OCA2: variants seen among roughly 807,000 people sequenced by gnomAD.
The protein encoded by OCA2 is P protein.
Under a neutral mutation model 100.2 loss-of-function variants are expected in OCA2, and 77 were observed. The ratio of observed to expected loss-of-function variants is 0.77; its 90% CI spans 0.64 to 0.93. The LOEUF (loss-of-function observed/expected upper bound fraction) is 0.93. Among genes scored for constraint, OCA2 ranks in the 40% least tolerant of loss-of-function variants. The pLI is 0.00. For synonymous variants in OCA2, 432 were observed against 439.2 expected (o/e 0.98, Z 0.21); for missense variants, 1,062 against 1,089.1 (o/e 0.98, Z 0.35).
chr15:27,847,433 G>C (rs2035579349), intron 22 of OCA2, among the ~76,000 whole-genome samples: 1 of 152,132 alleles, frequency 6.6e-6, no homozygotes, highest in Non-Finnish European at 1.5e-5. Context: ...GATGACGAAG[G>C]CAAAGGCTAT....
intron 19 of OCA2, 130 bp from the exon 20 acceptor site, chr15:27,872,052 C>G (rs961739999): frequency 1.4e-6 from 1 of 717,826 alleles, no homozygotes; most frequent in African/African-American, 1.8e-5. Flanking sequence ...TATAAAAGAT[C>G]AGACTCAAAT....
chr15:28,067,507 A>G (rs1185669872), intron 2 of OCA2, among the ~76,000 whole-genome samples: 4 of 152,166 alleles, frequency 2.6e-5, no homozygotes, highest in Non-Finnish European at 4.4e-5. Flanking sequence ...CTAATGCTGT[A>G]TCTCAGAGAT....
chr15:27,915,115 C>A (rs1346559438), intron 19 of OCA2, among the ~76,000 whole-genome samples: 1 of 152,050 alleles, frequency 6.6e-6, no homozygotes, highest in Non-Finnish European at 1.5e-5. Flanking sequence ...GGGGAAAGGA[C>A]TCCCCGTTCA....
chr15:28,097,977 C>T (rs1282929477), intron 1 of OCA2, among the ~76,000 whole-genome samples: 1 of 152,162 alleles, frequency 6.6e-6, no homozygotes. Context: ...AAACGGGGAC[C>T]CAGGTGACAC....
At chr15:27,838,147 C>T (rs746118604) in intron 23 of OCA2, among the ~76,000 whole-genome samples, 7 of 152,176 alleles carry the variant, frequency 4.6e-5, no homozygotes, top group Admixed American at 3.3e-4. Flanking sequence ...ACATACAACA[C>T]TCTATACTGA....
chr15:27,879,436 C>G (rs2036924305), intron 19 of OCA2, among the ~76,000 whole-genome samples: 1 of 152,162 alleles, frequency 6.6e-6, no homozygotes, highest in South Asian at 2.1e-4. Context: ...ACCACACTGT[C>G]TTCCACAATC....
chr15:27,945,688 C>G (rs2039808579), intron 18 of OCA2, among the ~76,000 whole-genome samples: 1 of 152,144 alleles, frequency 6.6e-6, no homozygotes, highest in African/African-American at 2.4e-5. Flanking sequence ...CAGAGGGACA[C>G]CAAGGGACAG....
intron 23 of OCA2, among the ~76,000 whole-genome samples, chr15:27,831,025 C>T (rs1304306283): frequency 2.0e-5 from 3 of 152,252 alleles, no homozygotes; most frequent in South Asian, 4.1e-4. Flanking sequence ...TCTGAGCTCA[C>T]GCCTGTAATT....
intron 18 of OCA2, among the ~76,000 whole-genome samples, chr15:27,947,599 C>T (rs546881490): frequency 1.2e-4 from 18 of 152,328 alleles, no homozygotes; most frequent in African/African-American, 2.2e-4. Context: ...GGCCGCCCTG[C>T]GGGTGCGGTC....
At chr15:28,050,812 G>A (rs1231302352) in intron 2 of OCA2, among the ~76,000 whole-genome samples, 1 of 152,116 alleles carries the variant, frequency 6.6e-6, no homozygotes, top group East Asian at 1.9e-4. Context: ...GGCATGGAGT[G>A]GCTCTTGGTC....
chr15:28,028,023 G>A lies in OCA2; in HGVS notation c.363C>T (p.Ile121=). Residue 121 remains isoleucine, a synonymous_variant, in exon 4 of 24, where the codon ATC becomes ATT. Transcript: ENST00000354638. ...RCIPVYHPEF[I]TAEESWEDSS... is the part of the protein sequence containing the mutation. ...TGTCTTCCCAAGACTCTTCAGCAGT[G>A]ATGAACTCTGGATGGTAAACAGGTA... 1 of 1,614,224 alleles carries A rather than the reference G, an allele frequency of 6.2e-7. No homozygotes were observed. Among genetic ancestry groups the A allele is most frequent in the East Asian group, 2.2e-5 (1 of 44,870 alleles).
intron 9 of OCA2, among the ~76,000 whole-genome samples, chr15:28,004,838 AAC>A (rs1240921199): frequency 6.6e-6 from 1 of 151,390 alleles, no homozygotes; most frequent in Non-Finnish European, 1.5e-5. Context: ...CTCATGTACT[AAC>A]ACACACACAG....
intron 23 of OCA2, among the ~76,000 whole-genome samples, chr15:27,806,638 C>T (rs910085776): frequency 6.6e-6 from 1 of 152,248 alleles, no homozygotes; most frequent in Admixed American, 6.5e-5. Flanking sequence ...TCGGCCTGTC[C>T]CTCCCGGCAC....
intron 2 of OCA2, among the ~76,000 whole-genome samples, chr15:28,035,297 T>G (rs1211755635): frequency 1.3e-5 from 2 of 152,218 alleles, no homozygotes; most frequent in Non-Finnish European, 2.9e-5. Context: ...AAAAATAAAA[T>G]GAGTTTCACC....
intron 2 of OCA2, among the ~76,000 whole-genome samples, chr15:28,046,873 G>A (rs1007921523): frequency 2.0e-5 from 3 of 152,262 alleles, no homozygotes; most frequent in East Asian, 3.9e-4. Context: ...ACTTCAAATC[G>A]ACATGCCTAA....
the OCA2 span, among the ~76,000 whole-genome samples, chr15:27,728,960 G>C: frequency 1.3e-5 from 2 of 152,038 alleles, no homozygotes. Flanking sequence ...TTATTTAATG[G>C]TTCTTCCCTC....
At chr15:28,018,097 C>CAA (rs368311380) in intron 7 of OCA2, among the ~76,000 whole-genome samples, 3 of 115,058 alleles carry the variant, frequency 2.6e-5, no homozygotes, top group Non-Finnish European at 1.9e-5. Context: ...TCAACGACAC[C>CAA]AAAAAAAAAA....
rs534185990 is a variant in OCA2 at position 27,758,256 on chromosome 15, C to A, written c.2433-2784G>T. ...AGAAAACAAAAAGCCCCAAGAGAAG[C>A]CTGCTCTCCCTAGCCAGAAAGCCAG... is the stretch of plus-strand genomic sequence containing the variant. On this transcript the variant is annotated intron_variant, in intron 23 of 23. Coordinates refer to ENST00000354638, the MANE Select transcript of OCA2 (RefSeq NM_000275.3). Among the ~76,000 whole-genome samples, 230 of 152,272 alleles carry A rather than the reference C, an allele frequency of 1.5e-3. 2 individuals are homozygous for A. The highest frequency in any genetic ancestry group is 5.3e-3 in the African/African-American group (220 of 41,560).
chr15:27,871,368 C>T (rs2036566953), intron 20 of OCA2, 110 bp from the exon 21 acceptor site: 3 of 775,162 alleles, frequency 3.9e-6, no homozygotes, highest in Non-Finnish European at 6.7e-6. Flanking sequence ...TCCTCTTACC[C>T]ATCACGAGAC....
Sources: allele counts gnomAD v4.1 joint callset (sites outside exome capture counted in the v4.1 genomes callset), GRCh38; gene constraint gnomAD v4.1.1; transcripts MANE v1.5; gene names NCBI Gene and HGNC (gene_info 2026-07-23, HGNC 2026-07-21).